The following CSMD3 variants were observed in gnomAD, a reference collection of about 807,000 sequenced individuals.
The protein encoded by CSMD3 is CUB and sushi domain-containing protein 3.
CSMD3 carries 177 observed loss-of-function variants against 435.2 expected under a neutral mutation model. The observed-to-expected ratio is 0.41, with a 90% CI of 0.36 to 0.46. The LOEUF is 0.46. CSMD3 is among the 20% of genes least tolerant of loss of function. CSMD3 has a pLI of 0.34. For synonymous variants in CSMD3, 1,656 were observed against 1,520.5 expected (o/e 1.09, Z -2.07); for missense variants, 4,265 against 4,504.6 (o/e 0.95, Z 1.52).
At chr8:113,161,641 A>G (rs1203052506) in intron 4 of CSMD3, among the ~76,000 whole-genome samples, 3 of 152,092 alleles carry the variant, frequency 2.0e-5, no homozygotes, top group African/African-American at 7.2e-5. Context: ...AGATACTTTT[A>G]CCGGAACAGT....
intron 3 of CSMD3, among the ~76,000 whole-genome samples, chr8:113,255,770 T>C (rs2093374681): frequency 6.6e-6 from 1 of 151,940 alleles, no homozygotes; most frequent in Admixed American, 6.6e-5. Flanking sequence ...TTTTAAAAAG[T>C]GTTCATATCT....
At chr8:112,922,556 A>G (rs1386660949) in intron 9 of CSMD3, among the ~76,000 whole-genome samples, 3 of 151,338 alleles carry the variant, frequency 2.0e-5, no homozygotes, top group Admixed American at 2.0e-4. Flanking sequence ...TCTGGTAACC[A>G]TTATTCTAAT....
At chr8:112,254,030 T>C (rs1815533658) in intron 63 of CSMD3, among the ~76,000 whole-genome samples, 1 of 152,056 alleles carries the variant, frequency 6.6e-6, no homozygotes, top group African/African-American at 2.4e-5. Context: ...TTTTGCTTTT[T>C]GTTTTAATTT....
At chr8:113,066,366 G>C (rs2088859812) in intron 5 of CSMD3, among the ~76,000 whole-genome samples, 1 of 151,510 alleles carries the variant, frequency 6.6e-6, no homozygotes, top group African/African-American at 2.4e-5. Context: ...GAGAGGGTGA[G>C]GTATGGAAGT....
chr8:112,231,867 G>A (rs936717174), intron 68 of CSMD3, among the ~76,000 whole-genome samples: 3 of 152,174 alleles, frequency 2.0e-5, no homozygotes, highest in African/African-American at 7.2e-5. Context: ...GGTTATTAAT[G>A]TATGATATAG....
chr8:113,297,780 C>A (rs1417357356), intron 2 of CSMD3, among the ~76,000 whole-genome samples: 1 of 151,978 alleles, frequency 6.6e-6, no homozygotes, highest in East Asian at 1.9e-4. Context: ...GATAAAGAAA[C>A]ACATTTTAAT....
At chr8:112,725,089 G>C (rs2076935751) in intron 13 of CSMD3, among the ~76,000 whole-genome samples, 1 of 151,990 alleles carries the variant, frequency 6.6e-6, no homozygotes, top group Non-Finnish European at 1.5e-5. Flanking sequence ...TTTTGAGCAA[G>C]TTTGCAGCAA....
intron 22 of CSMD3, among the ~76,000 whole-genome samples, chr8:112,592,678 T>A (rs1267083548): frequency 6.6e-6 from 1 of 152,138 alleles, no homozygotes; most frequent in East Asian, 1.9e-4. Context: ...ATTGACTATT[T>A]CCCATAATCT....
At chr8:112,706,496 T>C (rs902055885) in intron 13 of CSMD3, among the ~76,000 whole-genome samples, 2 of 152,006 alleles carry the variant, frequency 1.3e-5, no homozygotes, top group Non-Finnish European at 2.9e-5. Flanking sequence ...CATGGATGTG[T>C]GTGTATTGGG....
intron 16 of CSMD3, among the ~76,000 whole-genome samples, chr8:112,671,655 T>A (rs950597442): frequency 3.9e-5 from 6 of 152,126 alleles, no homozygotes; most frequent in Non-Finnish European, 7.4e-5. Flanking sequence ...TGACTTATGA[T>A]CATGACTTGA....
At chr8:112,358,020 G>T (rs893580751) in intron 38 of CSMD3, among the ~76,000 whole-genome samples, 1 of 152,106 alleles carries the variant, frequency 6.6e-6, no homozygotes, top group Non-Finnish European at 1.5e-5. Context: ...TAGCAGACAG[G>T]AGTGAGGCTG....
intron 3 of CSMD3, among the ~76,000 whole-genome samples, chr8:113,241,146 T>C (rs1015798415): frequency 2.0e-5 from 3 of 152,168 alleles, no homozygotes; most frequent in Non-Finnish European, 4.4e-5. Context: ...ACTAGAATAA[T>C]GTAAGAAATA....
intron 5 of CSMD3, among the ~76,000 whole-genome samples, chr8:113,068,498 C>G (rs2088959818): frequency 6.6e-6 from 1 of 152,084 alleles, no homozygotes; most frequent in Non-Finnish European, 1.5e-5. Flanking sequence ...CATATCTTTC[C>G]TATCTATTCT....
At chr8:113,423,245 G>T (rs1007802350) in intron 1 of CSMD3, among the ~76,000 whole-genome samples, 3 of 151,870 alleles carry the variant, frequency 2.0e-5, no homozygotes, top group Non-Finnish European at 2.9e-5. Flanking sequence ...ATTTTCACAG[G>T]GTTGCTCAAC....
At chr8:112,789,390 A>T (rs1212695605) in intron 13 of CSMD3, among the ~76,000 whole-genome samples, 1 of 152,118 alleles carries the variant, frequency 6.6e-6, no homozygotes, top group East Asian at 1.9e-4. Flanking sequence ...CTAAGCTTCT[A>T]GTTTTAGGAT....
rs1157647716 is a variant in CSMD3, at chr8:112,223,798, A to G, written c.*973T>C. On this transcript the variant is annotated 3_prime_UTR_variant, in exon 71 of 71. Transcript: ENST00000297405. Reference sequence around the variant, plus strand: ...AATTTGAAGACTCAGCTGGAAGGAAATGTAGATATAAATAGAGTAGATTAT... The same window carrying G: ...AATTTGAAGACTCAGCTGGAAGGAAGTGTAGATATAAATAGAGTAGATTAT... The G allele has an allele frequency of 6.6e-6, 1 of 152,162 alleles. No homozygotes were observed. Among genetic ancestry groups the G allele is most frequent in the African/African-American group, 2.4e-5 (1 of 41,444 alleles). The allele number at this position is 152,162 out of a possible 1,614,324, so 9.4% of individuals were successfully genotyped here. A position where few individuals can be genotyped will look rare whatever the true frequency, so the allele number is the denominator to read the frequency against.
rs541704225 is a variant in CSMD3 at position 112,856,846 on chromosome 8, G to GT, written c.1755+2298_1755+2299insA. Among the ~76,000 whole-genome samples, 16 of 151,884 alleles carry GT rather than the reference G, an allele frequency of 1.1e-4. 1 individual carries two copies. In the South Asian group the frequency reaches 3.3e-3, roughly 31 times the overall value. On this transcript the variant is annotated intron_variant, in intron 11 of 70. Coordinates refer to ENST00000297405, the MANE Select transcript of CSMD3 (RefSeq NM_198123.2). ...ATTGGGATGTATGCCAACTAGTATAGCTGTATGCTTATTATTTATACCAAC... is the reference window on the plus strand; with the variant it reads ...ATTGGGATGTATGCCAACTAGTATAGTCTGTATGCTTATTATTTATACCAAC...
At chr8:112,763,838 G>A (rs1295233113) in intron 13 of CSMD3, among the ~76,000 whole-genome samples, 1 of 151,118 alleles carries the variant, frequency 6.6e-6, no homozygotes, top group Non-Finnish European at 1.5e-5. Context: ...CTGGACAAGA[G>A]TATGAAGCAT....
chr8:113,123,305 A>T (rs1174806212), intron 4 of CSMD3, among the ~76,000 whole-genome samples: 2 of 152,072 alleles, frequency 1.3e-5, no homozygotes, highest in East Asian at 3.9e-4. Context: ...TGTTCATTTT[A>T]TATTGGCATG....
Sources: allele counts gnomAD v4.1 joint callset (sites outside exome capture counted in the v4.1 genomes callset), GRCh38; gene constraint gnomAD v4.1.1; transcripts MANE v1.5; gene names NCBI Gene and HGNC (gene_info 2026-07-23, HGNC 2026-07-21).